The following SGMS1 variants were observed in gnomAD, a reference collection of about 807,000 sequenced individuals.
The protein encoded by SGMS1 is phosphatidylcholine:ceramide cholinephosphotransferase 1.
In SGMS1, 13 loss-of-function variants were observed where a neutral mutation model predicts 46.2. That is an observed-to-expected ratio of 0.28 (90% CI 0.18 to 0.45). The LOEUF is 0.45. SGMS1 is among the 20% of genes least tolerant of loss of function. SGMS1 has a pLI of 1.00. For missense variants in SGMS1, 324 were observed against 519.9 expected (o/e 0.62, Z 3.66); for synonymous variants, 203 against 187.8 (o/e 1.08, Z -0.66).
At chr10:50,504,540 A>T (rs1837688499) in intron 3 of SGMS1, among the ~76,000 whole-genome samples, 1 of 152,226 alleles carries the variant, frequency 6.6e-6, no homozygotes, top group South Asian at 2.1e-4. Context: ...GTGCAAGCTC[A>T]TACAGGTAGT....
intron 6 of SGMS1, among the ~76,000 whole-genome samples, chr10:50,414,424 G>T (rs1849141091): frequency 6.6e-6 from 1 of 152,096 alleles, no homozygotes; most frequent in South Asian, 2.1e-4. Flanking sequence ...CCACATTCTG[G>T]ATATGTGTTT....
At chr10:50,473,376 T>C (rs1442175949) in intron 3 of SGMS1, among the ~76,000 whole-genome samples, 3 of 152,200 alleles carry the variant, frequency 2.0e-5, no homozygotes, top group Admixed American at 6.5e-5. Flanking sequence ...TAAATATCTA[T>C]TGAAAATTAA....
chr10:50,595,343 C>T (rs938691045), intron 1 of SGMS1, among the ~76,000 whole-genome samples: 6 of 151,988 alleles, frequency 3.9e-5, no homozygotes, highest in African/African-American at 1.5e-4. Flanking sequence ...GCCTGGCTAA[C>T]GTTTTTGTGC....
intron 6 of SGMS1, among the ~76,000 whole-genome samples, chr10:50,403,810 T>C (rs1361417664): frequency 6.6e-6 from 1 of 150,818 alleles, no homozygotes. Context: ...GTATGGGACA[T>C]GGTAGTGTCA....
rs183245614 is a variant in SGMS1, at chr10:50,448,903, C to T, written c.-313+11770G>A. ...CTTGATTTAAAAATGGGCTGAAGAC[C>T]TTAATGGAGAAATCACCAAAGAAGA... is the stretch of plus-strand genomic sequence containing the variant. On this transcript the variant is annotated intron_variant, in intron 5 of 10. Coordinates refer to ENST00000361781, the MANE Select transcript of SGMS1 (RefSeq NM_147156.4). Among the ~76,000 whole-genome samples, 764 of 151,966 alleles carry T rather than the reference C, an allele frequency of 5.0e-3. 6 individuals are homozygous for T. The highest frequency in any genetic ancestry group is 0.017 in the African/African-American group (713 of 41,420).
intron 3 of SGMS1, among the ~76,000 whole-genome samples, chr10:50,503,320 T>G (rs991990448): frequency 1.3e-5 from 2 of 152,098 alleles, no homozygotes; most frequent in African/African-American, 4.8e-5. Flanking sequence ...TGTAGCGGAG[T>G]GAGACCTTGC....
intron 5 of SGMS1, among the ~76,000 whole-genome samples, chr10:50,455,624 T>G (rs1397618435): frequency 3.3e-5 from 5 of 152,206 alleles, no homozygotes; most frequent in Admixed American, 2.6e-4. Flanking sequence ...CACTAAAATC[T>G]TTTATTCGGA....
At chr10:50,499,010 C>CTGG (rs1421230597) in intron 3 of SGMS1, among the ~76,000 whole-genome samples, 1 of 152,114 alleles carries the variant, frequency 6.6e-6, no homozygotes, top group Non-Finnish European at 1.5e-5. Context: ...AGCCATCCTA[C>CTGG]TGGTAATTCT....
intron 2 of SGMS1, among the ~76,000 whole-genome samples, chr10:50,584,768 C>T (rs1452876627): frequency 6.6e-6 from 1 of 152,190 alleles, no homozygotes; most frequent in Admixed American, 6.5e-5. Flanking sequence ...GGGCTTCCTG[C>T]ATTTTCACAT....
intron 6 of SGMS1, among the ~76,000 whole-genome samples, chr10:50,401,077 C>G (rs1040041977): frequency 6.6e-6 from 1 of 152,164 alleles, no homozygotes; most frequent in Non-Finnish European, 1.5e-5. Context: ...AGACATACGA[C>G]GTAAACCAGG....
chr10:50,396,595 G>A (rs1848850736), intron 6 of SGMS1, among the ~76,000 whole-genome samples: 1 of 152,100 alleles, frequency 6.6e-6, no homozygotes, highest in South Asian at 2.1e-4. Flanking sequence ...AGGAAGTGTT[G>A]ACCTTTCCAA....
intron 3 of SGMS1, among the ~76,000 whole-genome samples, chr10:50,467,176 C>T (rs975695275): frequency 6.6e-6 from 1 of 151,972 alleles, no homozygotes; most frequent in African/African-American, 2.4e-5. Flanking sequence ...AAACTGCACA[C>T]CAAATGCATC....
intron 3 of SGMS1, among the ~76,000 whole-genome samples, chr10:50,490,352 G>A (rs931122287): frequency 1.3e-5 from 2 of 152,182 alleles, no homozygotes; most frequent in Non-Finnish European, 2.9e-5. Flanking sequence ...TTGAATTTAA[G>A]AATGTAAATA....
chr10:50,574,985 A>ATATATATATATATATATATG lies in SGMS1; in HGVS notation c.-589+15167_-589+15168insCATATATATATATATATATA, dbSNP rs58462802. 2.8e-5 allele frequency among the ~76,000 whole-genome samples: 4 copies of ATATATATATATATATATATG among 143,114 alleles called. No individual in the cohort carries two copies. The East Asian group carries it at 8.5e-4, about 30-fold the overall frequency. The allele number at this position is 143,114 out of a possible 152,430, so 93.9% of individuals were successfully genotyped here. A position where few individuals can be genotyped will look rare whatever the true frequency, so the allele number is the denominator to read the frequency against. On this transcript the variant is annotated intron_variant, in intron 2 of 10. Coordinates refer to ENST00000361781, the MANE Select transcript of SGMS1 (RefSeq NM_147156.4). ...GGTGTATATATATATATATATATATAAAACAAAGTATTACTCAGCCTTAAA... is the reference window on the plus strand; with the variant it reads ...GGTGTATATATATATATATATATATATATATATATATATATATATGAAACAAAGTATTACTCAGCCTTAAA...
chr10:50,515,653 G>A (rs1422680413), intron 3 of SGMS1, among the ~76,000 whole-genome samples: 1 of 152,172 alleles, frequency 6.6e-6, no homozygotes, highest in East Asian at 1.9e-4. Context: ...GGCCATCCCT[G>A]ACAAGCATCT....
intron 3 of SGMS1, among the ~76,000 whole-genome samples, chr10:50,503,650 T>C (rs1331750825): frequency 6.6e-6 from 1 of 152,214 alleles, no homozygotes; most frequent in African/African-American, 2.4e-5. Flanking sequence ...ATAAACAGCC[T>C]TGTTGCTCAC....
At chr10:50,556,867 A>G (rs1564431329) in intron 2 of SGMS1, among the ~76,000 whole-genome samples, 1 of 152,200 alleles carries the variant, frequency 6.6e-6, no homozygotes, top group Non-Finnish European at 1.5e-5. Flanking sequence ...CGTCCTGCAG[A>G]GGTAAAGGTT....
rs866227102 is a variant in SGMS1, at chr10:50,414,338, C to T, written c.-232+19138G>A. On this transcript the variant is annotated intron_variant, in intron 6 of 10. Transcript: ENST00000361781. ...AAGACTGCTTGAGGTTGCAGTGAGT[C>T]GAGATCATGATGCTGCACTCCAGCC... 2.6e-5 allele frequency among the ~76,000 whole-genome samples: 4 copies of T among 152,316 alleles called. 1 individual carries two copies. The highest frequency in any genetic ancestry group is 4.1e-4 in the South Asian group (2 of 4,822).
chr10:50,607,571 C>T (rs1165544505), intron 1 of SGMS1, among the ~76,000 whole-genome samples: 2 of 152,202 alleles, frequency 1.3e-5, no homozygotes, highest in African/African-American at 4.8e-5. Flanking sequence ...CATTTCTCTA[C>T]AGCCACACTT....
Sources: allele counts gnomAD v4.1 joint callset (sites outside exome capture counted in the v4.1 genomes callset), GRCh38; gene constraint gnomAD v4.1.1; transcripts MANE v1.5; gene names NCBI Gene and HGNC (gene_info 2026-07-23, HGNC 2026-07-21).